Variants in CRLS1 observed in about 807,000 individuals in gnomAD.
The protein encoded by CRLS1 is cardiolipin synthase 1.
Under a neutral mutation model 37.0 loss-of-function variants are expected in CRLS1, and 24 were observed. The ratio of observed to expected loss-of-function variants is 0.65; its 90% CI spans 0.47 to 0.91. The LOEUF (loss-of-function observed/expected upper bound fraction) is 0.91. Ranked by LOEUF, CRLS1 falls within the 40% of genes least tolerant of loss-of-function variation. The pLI, the probability that CRLS1 is intolerant of heterozygous loss-of-function variation, is 0.00. For missense variants in CRLS1, 373 were observed against 395.8 expected, an observed-to-expected ratio of 0.94 and a Z score of 0.49; for synonymous variants, 135 against 159.7, an observed-to-expected ratio of 0.85 and a Z score of 1.17.
intron 3 of CRLS1, among the ~76,000 whole-genome samples, chr20:6,017,012 G>A (rs118008730): frequency 0.012 from 1,821 of 151,252 alleles, 24 homozygotes; most frequent in Non-Finnish European, 0.018. Context: ...TTCTTTTTGA[G>A]ACAGGGTCTC....
chr20:6,022,719 C>T (rs1458550412), intron 3 of CRLS1, among the ~76,000 whole-genome samples: 1 of 152,148 alleles, frequency 6.6e-6, no homozygotes, highest in African/African-American at 2.4e-5. Context: ...CTCAGTTTCA[C>T]AATAATATTT....
intron 3 of CRLS1, among the ~76,000 whole-genome samples, chr20:6,017,767 A>G (rs1978873413): frequency 6.6e-6 from 1 of 152,198 alleles, no homozygotes; most frequent in Non-Finnish European, 1.5e-5. Context: ...CATCTTTACA[A>G]TGTTAAGTCT....
chr20:6,012,620 G>A (rs1391232912), intron 2 of CRLS1, among the ~76,000 whole-genome samples: 3 of 152,170 alleles, frequency 2.0e-5, no homozygotes, highest in Admixed American at 2.0e-4. Context: ...CAGAGTTTAA[G>A]GGAGAATACT....
Position 6,008,090 on chromosome 20 carries a change from C to CTTT in CRLS1, c.306+1554_306+1556dup, listed in dbSNP as rs11479572. Among the ~76,000 whole-genome samples, 129 of 138,438 alleles carry CTTT rather than the reference C, an allele frequency of 9.3e-4. 2 individuals carry two copies. Among genetic ancestry groups the CTTT allele is most frequent in the South Asian group, 1.2e-3 (5 of 4,306 alleles). The allele number at this position is 138,438 out of a possible 152,430, so 90.8% of individuals were successfully genotyped here. On this transcript the variant is annotated intron_variant, in intron 1 of 6. Transcript: ENST00000378863. ...ACAGACATAGTGTCTTTAGAGAATA[C>CTTT]TTTTTTTTTTTTTTTTTTACAGGAT...
chr20:6,015,337 A>AT, intron 2 of CRLS1, 24 bp from the exon 3 acceptor site: 2 of 1,496,808 alleles, frequency 1.3e-6, no homozygotes. Context: ...ATTTATATAT[A>AT]TAAAAAAAAA....
chr20:6,008,231 T>C (rs1400571793), intron 1 of CRLS1, among the ~76,000 whole-genome samples: 1 of 152,112 alleles, frequency 6.6e-6, no homozygotes, highest in African/African-American at 2.4e-5. Flanking sequence ...TGGCTAGTAC[T>C]GATTAAGAAA....
At chr20:6,024,787 C>T (rs1218520740) in intron 3 of CRLS1, among the ~76,000 whole-genome samples, 2 of 152,178 alleles carry the variant, frequency 1.3e-5, no homozygotes, top group Non-Finnish European at 2.9e-5. Context: ...GTAAGCAAAA[C>T]AGCCTTATTG....
chr20:6,015,636 C>A, intron 3 of CRLS1, 146 bp downstream of exon 3: 2 of 764,980 alleles, frequency 2.6e-6, no homozygotes, highest in Non-Finnish European at 4.4e-6. Flanking sequence ...AACTGTTGAA[C>A]TGTTTTGTCA....
chr20:6,022,782 CTG>C (rs1250380427), intron 3 of CRLS1, among the ~76,000 whole-genome samples: 2 of 152,160 alleles, frequency 1.3e-5, no homozygotes, highest in East Asian at 1.9e-4. Context: ...ACTTTTCAAT[CTG>C]TGCATTATAT....
chr20:6,022,574 G>T (rs544709132), intron 3 of CRLS1, among the ~76,000 whole-genome samples: 3 of 152,202 alleles, frequency 2.0e-5, no homozygotes, highest in African/African-American at 7.2e-5. Context: ...TTGAGCTCAA[G>T]CAATCCACCC....
chr20:6,033,191 G>A (rs1177614071), intron 5 of CRLS1, among the ~76,000 whole-genome samples: 4 of 151,248 alleles, frequency 2.6e-5, no homozygotes, highest in South Asian at 2.1e-4. Context: ...GTGCAATGAC[G>A]CGATCTTGGC....
chr20:6,011,572 CTTTTTTTTTT>C (rs559511975), intron 2 of CRLS1, among the ~76,000 whole-genome samples: 2,795 of 27,780 alleles, frequency 0.1, 51 homozygotes, highest in Non-Finnish European at 0.15. Context: ...TTTGTCCCTG[CTTTTTTTTTT>C]TTTTTTTTTT....
At chr20:6,017,513 G>A (rs1378738045) in intron 3 of CRLS1, among the ~76,000 whole-genome samples, 1 of 152,138 alleles carries the variant, frequency 6.6e-6, no homozygotes, top group African/African-American at 2.4e-5. Flanking sequence ...TTTCTAAGTT[G>A]TTTTCTTCCC....
intron 1 of CRLS1, among the ~76,000 whole-genome samples, chr20:6,008,566 A>G (rs777868966): frequency 3.3e-5 from 5 of 152,232 alleles, no homozygotes; most frequent in Non-Finnish European, 5.9e-5. Flanking sequence ...GAGCTGTGAA[A>G]GTCCTTGGTT....
chr20:6,006,218 C>T lies in CRLS1; in HGVS notation c.-29C>T. ...TCCCAGGCTGCTGAGCTCTCGCCGC[C>T]CGAGACCCCGCGGCGCGGCCGCAGG... On this transcript the variant is annotated 5_prime_UTR_variant, in exon 1 of 7. Coordinates refer to ENST00000378863, the MANE Select transcript of CRLS1 (RefSeq NM_019095.6). 2 of 1,203,176 alleles carry T rather than the reference C, an allele frequency of 1.7e-6. No homozygotes were observed. Among genetic ancestry groups the T allele is most frequent in the South Asian group, 8.1e-5 (2 of 24,666 alleles). 74.5% of individuals were successfully genotyped at this position (1,203,176 alleles called of 1,614,324 possible).
chr20:6,029,865 CT>C (rs897243414), intron 3 of CRLS1, among the ~76,000 whole-genome samples: 47 of 149,292 alleles, frequency 3.1e-4, no homozygotes, highest in African/African-American at 1.2e-3. Context: ...CCATCAAGGA[CT>C]AGGCCAAGGA....
At chr20:6,009,962 G>A in intron 2 of CRLS1, 50 bp downstream of exon 2, 1 of 1,574,508 alleles carries the variant, frequency 6.4e-7, no homozygotes, top group Non-Finnish European at 8.6e-7. Context: ...ATCCTGGTCT[G>A]TACTACTAAA....
chr20:6,010,349 A>T (rs1444968573), intron 2 of CRLS1, among the ~76,000 whole-genome samples: 1 of 152,232 alleles, frequency 6.6e-6, no homozygotes, highest in Non-Finnish European at 1.5e-5. Flanking sequence ...GTTATGACCC[A>T]GGGAACTGGG....
chr20:6,015,504 A>T lies in CRLS1; in HGVS notation c.574+14A>T, dbSNP rs777538525. On this transcript the variant is annotated intron_variant, in intron 3 of 6. Coordinates refer to ENST00000378863, the MANE Select transcript of CRLS1 (RefSeq NM_019095.6). ...ATCTTATTCCAGGTAAGAACGCGTCATGCGTACTTTTGAATAGCACAGGGA... is the reference window on the plus strand; with the variant it reads ...ATCTTATTCCAGGTAAGAACGCGTCTTGCGTACTTTTGAATAGCACAGGGA... 6.2e-7 allele frequency: 1 copy of T among 1,612,170 alleles called. No individual in the cohort carries two copies. The highest frequency in any genetic ancestry group is 8.5e-7 in the Non-Finnish European group (1 of 1,178,526).
Sources: gnomAD v4.1 joint callset for allele counts (sites outside exome capture counted in the v4.1 genomes callset) on GRCh38, gnomAD v4.1.1 for gene constraint, MANE v1.5 for transcripts, NCBI Gene and HGNC (gene_info 2026-07-23, HGNC 2026-07-21) for gene names.